Variants in ADGRD1 observed in about 807,000 individuals in gnomAD.
The protein encoded by ADGRD1 is G-protein coupled receptor 133.
In ADGRD1, 77 loss-of-function variants were observed where a neutral mutation model predicts 113.4. That is an observed-to-expected ratio of 0.68 (90% CI 0.57 to 0.82). The LOEUF is 0.82. ADGRD1 is among the 40% of genes least tolerant of loss of function. The pLI is 0.00. For missense variants in ADGRD1, 1,036 were observed against 1,139.1 expected, an observed-to-expected ratio of 0.91 and a Z score of 1.30; for synonymous variants, 474 against 475.0, an observed-to-expected ratio of 1.00 and a Z score of 0.03.
At chr12:130,974,304 A>T (rs1052503715) in intron 4 of ADGRD1, among the ~76,000 whole-genome samples, 1 of 152,230 alleles carries the variant, frequency 6.6e-6, no homozygotes, top group African/African-American at 2.4e-5. Flanking sequence ...GGAGCAACTA[A>T]AACAAAAATC....
At chr12:131,117,587 C>T (rs1008595044) in intron 18 of ADGRD1, among the ~76,000 whole-genome samples, 3 of 152,130 alleles carry the variant, frequency 2.0e-5, no homozygotes, top group African/African-American at 7.2e-5. Flanking sequence ...TCTCATTGGG[C>T]CAGCCAGGGT....
chr12:130,958,700 C>T (rs966286469), intron 2 of ADGRD1, among the ~76,000 whole-genome samples: 15 of 152,218 alleles, frequency 9.9e-5, no homozygotes, highest in South Asian at 4.1e-4. Flanking sequence ...TCCTCAGGAG[C>T]GCTCATGACG....
rs769913516 is a variant in ADGRD1, at chr12:131,027,826, A to T, written c.1473+13486A>T. On this transcript the variant is annotated intron_variant, in intron 13 of 24. Coordinates refer to ENST00000261654, the MANE Select transcript of ADGRD1 (RefSeq NM_198827.5). The surrounding 1 kb of genome is among the most constrained non-coding windows in gnomAD (Gnocchi z 5.1). Reference sequence around the variant, plus strand: ...AGCACGTATATGTGTGTATGGTATGACAGTTTTTACAAAGCGAACATACCC... The same window carrying T: ...AGCACGTATATGTGTGTATGGTATGTCAGTTTTTACAAAGCGAACATACCC... The T allele has an allele frequency of 2.6e-5, 4 of 152,176 alleles. No homozygotes were observed. Among genetic ancestry groups the T allele is most frequent in the Non-Finnish European group, 4.4e-5 (3 of 68,042 alleles). 9.4% of individuals were successfully genotyped at this position (152,176 alleles called of 1,614,324 possible).
At chr12:131,011,207 G>T (rs1272759162) in intron 12 of ADGRD1, among the ~76,000 whole-genome samples, 4 of 141,096 alleles carry the variant, frequency 2.8e-5, no homozygotes, top group Non-Finnish European at 6.1e-5. Flanking sequence ...CCTCACCTCT[G>T]TCCCCACCTT....
chr12:131,068,275 C>T (rs1316602265), intron 13 of ADGRD1, among the ~76,000 whole-genome samples: 1 of 152,192 alleles, frequency 6.6e-6, no homozygotes, highest in African/African-American at 2.4e-5. Flanking sequence ...TGATGATGCA[C>T]GCTTGTGTCT....
chr12:131,138,081 G>A (rs943929840), intron 23 of ADGRD1, 56 bp from the exon 24 acceptor site: 8 of 1,435,650 alleles, frequency 5.6e-6, no homozygotes, highest in Non-Finnish European at 7.8e-6. Context: ...GACTCCTCTG[G>A]TTACGGCTGT....
chr12:131,019,896 G>A (rs113000580), intron 13 of ADGRD1, among the ~76,000 whole-genome samples: 1 of 40,892 alleles, frequency 2.4e-5, no homozygotes, highest in Non-Finnish European at 6.2e-5. Flanking sequence ...CCAGGGGCAG[G>A]ACCCTGAGCT....
rs574246212 is a variant in ADGRD1 at position 130,993,938 on chromosome 12, C to T, written c.966+1546C>T. On this transcript the variant is annotated intron_variant, in intron 8 of 24. Transcript: ENST00000261654. ...CACGTCCAGGAGGGAAAGAACGGGT[C>T]GGGAGACTCCCTCCTCGTCAGGGGG... 3.7e-5 allele frequency: 6 copies of T among 163,814 alleles called. No homozygotes were observed. The South Asian group carries it at 9.6e-4, about 26-fold the overall frequency. The allele number at this position is 163,814 out of a possible 1,614,324, so 10.1% of individuals were successfully genotyped here.
At chr12:131,070,600 C>T (rs1885079596) in intron 13 of ADGRD1, 3 of 279,976 alleles carry the variant, frequency 1.1e-5, no homozygotes, top group South Asian at 6.1e-5. Context: ...GGACTCGGTG[C>T]GGGAGACGAG....
chr12:131,024,501 C>G (rs1016068053), intron 13 of ADGRD1: 1 of 152,238 alleles, frequency 6.6e-6, no homozygotes, highest in Non-Finnish European at 1.5e-5. Context: ...TCCCATCAGA[C>G]TGTAAGACCA....
chr12:131,139,104 A>C, intron 24 of ADGRD1, 64 bp from the exon 25 acceptor site: 1 of 1,301,042 alleles, frequency 7.7e-7, no homozygotes, highest in South Asian at 1.2e-5. Flanking sequence ...CCCCGCACTC[A>C]CTGGGCTTAT....
At chr12:131,118,318 T>TG (rs1406404957) in intron 18 of ADGRD1, 67 bp from the exon 19 acceptor site, 1 of 929,366 alleles carries the variant, frequency 1.1e-6, no homozygotes, top group Non-Finnish European at 1.6e-6. Context: ...AAGGGAGGGA[T>TG]GGGGGAGGCG....
intron 21 of ADGRD1, among the ~76,000 whole-genome samples, chr12:131,135,526 G>A (rs1951053260): frequency 6.6e-6 from 1 of 152,164 alleles, no homozygotes; most frequent in South Asian, 2.1e-4. Flanking sequence ...GGAGGGCTCG[G>A]GTGATCAGCG....
intron 20 of ADGRD1, among the ~76,000 whole-genome samples, chr12:131,128,450 C>T (rs979620459): frequency 6.6e-6 from 1 of 152,148 alleles, no homozygotes; most frequent in Non-Finnish European, 1.5e-5. Context: ...TTCCACCTGA[C>T]CCCAAGGACA....
intron 2 of ADGRD1, among the ~76,000 whole-genome samples, chr12:130,960,254 GCTC>G (rs1321414697): frequency 6.6e-6 from 1 of 152,156 alleles, no homozygotes; most frequent in African/African-American, 2.4e-5. Context: ...GGCACAGCTG[GCTC>G]CAGCCGTTTC....
In ADGRD1 at chr12:131,075,388, C is replaced by T. The variant is rs1593168486; in HGVS notation, c.1474-1413C>T. 6.6e-6 allele frequency among the ~76,000 whole-genome samples: 1 copy of T among 152,102 alleles called. No individual in the cohort carries two copies. The highest frequency in any genetic ancestry group is 2.0e-4 in the East Asian group (1 of 5,128). ...GTCCTGGTGGCTGCAGGACACAGGGCCCTCTGTTGTCTGTGCAAGAGTTCA... is the reference window on the plus strand; with the variant it reads ...GTCCTGGTGGCTGCAGGACACAGGGTCCTCTGTTGTCTGTGCAAGAGTTCA... On this transcript the variant is annotated intron_variant, in intron 13 of 24. Coordinates refer to ENST00000261654, the MANE Select transcript of ADGRD1 (RefSeq NM_198827.5). This position sits in a 1 kb window ranked among gnomAD's most constrained non-coding sequence, Gnocchi z 5.3.
Position 131,041,719 on chromosome 12 carries a change from C to T in ADGRD1, c.1473+27379C>T, listed in dbSNP as rs546541462. Among the ~76,000 whole-genome samples the T allele has an allele frequency of 8.5e-5, 13 of 152,316 alleles. No homozygotes were observed. Among genetic ancestry groups the T allele is most frequent in the Non-Finnish European group, 1.5e-4 (10 of 68,034 alleles). On this transcript the variant is annotated intron_variant, in intron 13 of 24. Transcript: ENST00000261654. This position sits in a 1 kb window ranked among gnomAD's most constrained non-coding sequence, Gnocchi z 4.4. The stretch of plus-strand genomic sequence containing the variant: ...CATGCATGAATCAGGGAGCAGTTCC[C>T]GGGGAACACACTGCACGCTGTTGCC...
At chr12:131,032,609 C>G (rs926588348) in intron 13 of ADGRD1, among the ~76,000 whole-genome samples, 1 of 152,228 alleles carries the variant, frequency 6.6e-6, no homozygotes, top group Admixed American at 6.5e-5. Flanking sequence ...TCCAGGGCCC[C>G]TCTGCTTCCT....
At chr12:130,975,968 C>G (rs929478899) in intron 4 of ADGRD1, among the ~76,000 whole-genome samples, 5 of 152,168 alleles carry the variant, frequency 3.3e-5, no homozygotes, top group African/African-American at 1.2e-4. Flanking sequence ...GTTTCCTTTG[C>G]TTTTTCCTCA....
Sources: gnomAD v4.1 joint callset for allele counts (sites outside exome capture counted in the v4.1 genomes callset) on GRCh38, gnomAD v4.1.1 for gene constraint, Gnocchi (gnomAD v3.1) non-coding constraint, MANE v1.5 for transcripts, NCBI Gene and HGNC (gene_info 2026-07-23, HGNC 2026-07-21) for gene names.